CBR4: variants seen among roughly 807,000 people sequenced by gnomAD.
CBR4 encodes 3-oxoacyl-[acyl-carrier-protein] reductase.
CBR4 carries 22 observed loss-of-function variants against 21.0 expected under a neutral mutation model. That is an observed-to-expected ratio of 1.05 (90% CI 0.75 to 1.50). The LOEUF (loss-of-function observed/expected upper bound fraction) is 1.50. Ranked by LOEUF, CBR4 falls within the 40% of genes most tolerant of loss-of-function variation. The probability of loss-of-function intolerance (pLI) is 0.00; values close to 1 mark genes in which losing one functional copy is unlikely to be tolerated. For missense variants in CBR4, 302 were observed against 286.3 expected, an observed-to-expected ratio of 1.05 and a Z score of -0.40; for synonymous variants, 100 against 104.4, an observed-to-expected ratio of 0.96 and a Z score of 0.26.
chr4:168,927,923 A>T (rs1582272473), intron 2 of CBR4: 1 of 201,284 alleles, frequency 5.0e-6, no homozygotes, highest in East Asian at 7.8e-5. Flanking sequence ...TTCATTATTT[A>T]TAAGTGGCCT....
chr4:168,921,009 G>A (rs1704577400), intron 2 of CBR4, among the ~76,000 whole-genome samples: 1 of 152,214 alleles, frequency 6.6e-6, no homozygotes, highest in South Asian at 2.1e-4. Flanking sequence ...GTCTTCTCTA[G>A]GTTGCTCTGT....
chr4:168,987,881 A>G lies in CBR4; in HGVS notation c.*2269T>C. On this transcript the variant is annotated 3_prime_UTR_variant, in exon 5 of 5. Transcript: ENST00000306193. ...AAACCATAAATTGAATATGAATAAAATATGAAAAAGAGCACAAATTTTAAA... is the reference window on the plus strand; with the variant it reads ...AAACCATAAATTGAATATGAATAAAGTATGAAAAAGAGCACAAATTTTAAA... 2 of 981,458 alleles carry G rather than the reference A, an allele frequency of 2.0e-6. No homozygotes were observed. Among genetic ancestry groups the G allele is most frequent in the South Asian group, 4.7e-5 (1 of 21,216 alleles). The allele number at this position is 981,458 out of a possible 1,614,324, so 60.8% of individuals were successfully genotyped here.
intron 2 of CBR4, among the ~76,000 whole-genome samples, chr4:168,916,459 G>A (rs906161908): frequency 8.4e-5 from 12 of 143,608 alleles, no homozygotes; most frequent in Non-Finnish European, 1.2e-4. Context: ...GAAATACGTC[G>A]GATATTTATA....
At chr4:168,920,245 C>A (rs1475623617) in intron 2 of CBR4, among the ~76,000 whole-genome samples, 1 of 152,172 alleles carries the variant, frequency 6.6e-6, no homozygotes, top group African/African-American at 2.4e-5. Context: ...TCTCAGAAGC[C>A]AAGCTGCCTA....
chr4:168,959,916 A>G (rs1481800394), intron 2 of CBR4, among the ~76,000 whole-genome samples: 1 of 151,930 alleles, frequency 6.6e-6, no homozygotes, highest in Non-Finnish European at 1.5e-5. Flanking sequence ...TTTGAATAGT[A>G]CTGAATTTAT....
downstream of CBR4, among the ~76,000 whole-genome samples, chr4:168,986,091 CG>C (rs974096075): frequency 1.3e-3 from 189 of 149,672 alleles, no homozygotes; most frequent in Non-Finnish European, 2.4e-3. Context: ...AGAAAATATC[CG>C]GGGGGGGAAC....
intron 2 of CBR4, among the ~76,000 whole-genome samples, chr4:168,942,085 G>A (rs906776668): frequency 2.0e-5 from 3 of 152,112 alleles, no homozygotes; most frequent in Admixed American, 6.6e-5. Flanking sequence ...CCTTTGCAGG[G>A]ACATGGATGA....
In CBR4 at chr4:168,964,525, T is replaced by G. The variant is rs1037192811; in HGVS notation, n.169+37546A>C. On this transcript the variant is annotated intron_variant and non_coding_transcript_variant, in intron 2 of 3. Transcript: ENST00000509108. ...GTGGTAAAAATGTCATAGAATAGTATGCAATACTCTTCATATCAAAGAAAC... is the reference window on the plus strand; with the variant it reads ...GTGGTAAAAATGTCATAGAATAGTAGGCAATACTCTTCATATCAAAGAAAC... 9.2e-5 allele frequency among the ~76,000 whole-genome samples: 14 copies of G among 152,330 alleles called. No individual in the cohort carries two copies. In the South Asian group the frequency reaches 2.9e-3, roughly 32 times the overall value.
intron 2 of CBR4, among the ~76,000 whole-genome samples, chr4:168,954,634 C>T (rs1481398467): frequency 1.3e-5 from 2 of 152,176 alleles, no homozygotes; most frequent in Non-Finnish European, 2.9e-5. Context: ...AAAACATCTG[C>T]AAATACTGAA....
chr4:168,966,379 A>G (rs1386533244), intron 2 of CBR4, among the ~76,000 whole-genome samples: 1 of 116,730 alleles, frequency 8.6e-6, no homozygotes, highest in Non-Finnish European at 1.9e-5. Flanking sequence ...AAAAAAAAAA[A>G]GGCCAGGCGT....
intron 2 of CBR4, among the ~76,000 whole-genome samples, chr4:168,978,161 T>A (rs187680352): frequency 1.3e-5 from 2 of 152,264 alleles, no homozygotes; most frequent in African/African-American, 2.4e-5. Flanking sequence ...CTGCATTCCA[T>A]GGCTGTTCAA....
chr4:168,990,317 T>C lies in CBR4; in HGVS notation c.547A>G (p.Thr183Ala), dbSNP rs1471409810. 6.2e-7 allele frequency: 1 copy of C among 1,606,316 alleles called. No individual in the cohort carries two copies. Among genetic ancestry groups the C allele is most frequent in the Non-Finnish European group, 8.5e-7 (1 of 1,175,788 alleles). ...TCTTTCAAGTCTTTCGTCATATCTG[T>C]GTGTACAAATCCTAAAAGAGAAATG... is the stretch of plus-strand genomic sequence containing the variant. ...VNVVAPGFVH[T>A]DMTKDLKEEH... The change falls in exon 5 of 5, where the codon ACA becomes GCA. Residue 183 changes from threonine (T) to alanine (A), a missense_variant. Coordinates refer to ENST00000306193, the MANE Select transcript of CBR4 (RefSeq NM_032783.5).
chr4:168,936,920 C>T (rs1422535726), intron 2 of CBR4, among the ~76,000 whole-genome samples: 1 of 152,080 alleles, frequency 6.6e-6, no homozygotes, highest in African/African-American at 2.4e-5. Flanking sequence ...CATTCAAATT[C>T]AGGAAATACA....
chr4:168,984,283 A>C (rs1764622425), downstream of CBR4, among the ~76,000 whole-genome samples: 2 of 152,208 alleles, frequency 1.3e-5, no homozygotes, highest in South Asian at 2.1e-4. Flanking sequence ...TGAAAGCCAA[A>C]TAAAGAAGGC....
At chr4:168,987,095 T>G (rs201376092), downstream of CBR4, among the ~76,000 whole-genome samples, 1 of 152,234 alleles carries the variant, frequency 6.6e-6, no homozygotes, top group Non-Finnish European at 1.5e-5. Flanking sequence ...CAGGTAATAC[T>G]GATACCATCT....
chr4:168,924,767 C>A (rs1431071239), intron 2 of CBR4, among the ~76,000 whole-genome samples: 1 of 152,194 alleles, frequency 6.6e-6, no homozygotes, highest in Non-Finnish European at 1.5e-5. Context: ...CAACTCTTGA[C>A]GTCTGTTCTT....
At chr4:168,949,446 T>C (rs1209586641) in intron 2 of CBR4, among the ~76,000 whole-genome samples, 1 of 152,178 alleles carries the variant, frequency 6.6e-6, no homozygotes, top group African/African-American at 2.4e-5. Flanking sequence ...CTTGTTCCAG[T>C]TCTCAGAGGG....
intron 2 of CBR4, chr4:168,927,960 C>T (rs1224796453): frequency 4.1e-5 from 8 of 196,118 alleles, no homozygotes; most frequent in East Asian, 4.0e-4. Context: ...TCAATTCATA[C>T]GTAGTATTTT....
At chr4:168,929,033 C>G (rs549690334) in intron 2 of CBR4, among the ~76,000 whole-genome samples, 7 of 152,336 alleles carry the variant, frequency 4.6e-5, no homozygotes, top group South Asian at 2.1e-4. Flanking sequence ...GGCCATCTTA[C>G]AGTTCTGCCT....
Sources: allele counts gnomAD v4.1 joint callset (sites outside exome capture counted in the v4.1 genomes callset), GRCh38; gene constraint gnomAD v4.1.1; transcripts MANE v1.5; gene names NCBI Gene and HGNC (gene_info 2026-07-23, HGNC 2026-07-21).